TNS1: variants seen among roughly 807,000 people sequenced by gnomAD.
TNS1 encodes the protein tensin 1, also known as tensin-1.
Under a neutral mutation model 168.6 loss-of-function variants are expected in TNS1, and 62 were observed. That is an observed-to-expected ratio of 0.37 (90% CI 0.30 to 0.45). The LOEUF is 0.45. Among genes scored for constraint, TNS1 ranks in the 20% least tolerant of loss-of-function variants. The pLI is 1.00. For missense variants in TNS1, 2,240 were observed against 2,339.4 expected (o/e 0.96, Z 0.88); for synonymous variants, 934 against 933.2 (o/e 1.00, Z -0.02).
At chr2:218,013,479 A>G (rs546546249), upstream of TNS1, among the ~76,000 whole-genome samples, 2 of 152,264 alleles carry the variant, frequency 1.3e-5, no homozygotes, top group African/African-American at 4.8e-5. Flanking sequence ...GCCAGATCAC[A>G]TGAAGAGATC....
chr2:217,849,932 G>C (rs919396652), intron 18 of TNS1: 1 of 985,282 alleles, frequency 1.0e-6, no homozygotes, highest in African/African-American at 1.7e-5. Flanking sequence ...CCCTCAGCTA[G>C]ATTTGTCTCC....
chr2:217,964,959 C>T (rs939031526), intron 3 of TNS1, among the ~76,000 whole-genome samples: 2 of 152,198 alleles, frequency 1.3e-5, no homozygotes, highest in Non-Finnish European at 2.9e-5. Flanking sequence ...AGCCAGGAGC[C>T]AGAACCCCCA....
chr2:217,836,289 AAGGC>A, intron 19 of TNS1, 78 bp from the exon 20 acceptor site: 2 of 1,395,262 alleles, frequency 1.4e-6, no homozygotes, highest in Non-Finnish European at 9.7e-7. Flanking sequence ...CCCATCAGAG[AAGGC>A]AGTGCCTCCT....
chr2:217,899,564 A>C (rs1952706817), intron 7 of TNS1, among the ~76,000 whole-genome samples: 1 of 152,146 alleles, frequency 6.6e-6, no homozygotes, highest in Non-Finnish European at 1.5e-5. Context: ...AAAAACTCGC[A>C]AGACAAGCTC....
chr2:218,002,739 C>A lies in TNS1; in HGVS notation c.33+101G>T, dbSNP rs1428215169. 4 of 454,622 alleles carry A rather than the reference C, an allele frequency of 8.8e-6. No homozygotes were observed. The Admixed American group carries it at 9.4e-5, about 11-fold the overall frequency. The allele number at this position is 454,622 out of a possible 1,614,324, so 28.2% of individuals were successfully genotyped here. ...GGCCCCTCCTTCAAGACTGACACCC[C>A]CCGACCCCGGGCTCTCAGCAAAAGG... is the stretch of plus-strand genomic sequence containing the variant. On this transcript the variant is annotated intron_variant, in intron 1 of 32. Coordinates refer to ENST00000682258, the MANE Select transcript of TNS1 (RefSeq NM_001387777.1).
chr2:217,897,778 G>A lies in TNS1; in HGVS notation c.543+20C>T, dbSNP rs766959557. 5 of 1,574,282 alleles carry A rather than the reference G, an allele frequency of 3.2e-6. No homozygotes were observed. The highest frequency in any genetic ancestry group is 1.7e-4 in the Middle Eastern group (1 of 5,890). ...AAGCATAGAGGGCACAGGACAGTGG[G>A]CACGAGGATCCATCCTCACCAGGTA... On this transcript the variant is annotated intron_variant, in intron 8 of 32. Transcript: ENST00000682258.
intron 1 of TNS1, among the ~76,000 whole-genome samples, chr2:218,031,223 AGT>A (rs1183968299): frequency 8.0e-6 from 1 of 124,278 alleles, no homozygotes; most frequent in Non-Finnish European, 1.7e-5. Context: ...TGTGTGTATG[AGT>A]GTGAGTGTGT....
chr2:217,928,613 C>T (rs1239717593), intron 3 of TNS1, among the ~76,000 whole-genome samples: 1 of 152,176 alleles, frequency 6.6e-6, no homozygotes, highest in Non-Finnish European at 1.5e-5. Flanking sequence ...CCAGCACAGG[C>T]TGGGACCCAG....
intron 3 of TNS1, among the ~76,000 whole-genome samples, chr2:217,963,791 C>T (rs1351188725): frequency 6.7e-6 from 1 of 149,408 alleles, no homozygotes; most frequent in Non-Finnish European, 1.5e-5. Context: ...CACCTCTAAT[C>T]CTAGCACTTT....
chr2:217,945,655 T>C (rs1957086133), intron 3 of TNS1, among the ~76,000 whole-genome samples: 1 of 152,072 alleles, frequency 6.6e-6, no homozygotes, highest in Non-Finnish European at 1.5e-5. Flanking sequence ...TGTCCACAAA[T>C]GGCAAGGATG....
intron 23 of TNS1, 56 bp downstream of exon 23, chr2:217,821,684 G>A (rs1056548972): frequency 5.4e-5 from 76 of 1,396,950 alleles, no homozygotes; most frequent in East Asian, 1.4e-4. Flanking sequence ...CACCCATCCC[G>A]TCCCAGTCCC....
chr2:217,891,178 C>G, intron 11 of TNS1, 133 bp from the exon 12 acceptor site: 1 of 763,106 alleles, frequency 1.3e-6, no homozygotes, highest in Non-Finnish European at 2.2e-6. Flanking sequence ...GGAAGACAAG[C>G]CTCTTCCCCC....
chr2:217,935,992 G>A (rs1466415267), intron 3 of TNS1, among the ~76,000 whole-genome samples: 5 of 152,170 alleles, frequency 3.3e-5, no homozygotes, highest in African/African-American at 9.7e-5. Context: ...AAACGCTGCT[G>A]AAATTCCCTC....
intron 1 of TNS1, among the ~76,000 whole-genome samples, chr2:218,031,283 ATGAG>A (rs1219345890): frequency 1.4e-5 from 1 of 73,604 alleles, no homozygotes; most frequent in Non-Finnish European, 2.4e-5. Context: ...GTGAGCGTGT[ATGAG>A]TGTGTGAGTG....
In TNS1 at chr2:217,990,939, C is replaced by A; in HGVS notation, c.148+3G>T. ...ATCCCCCACAGCCCAGACCGCTGCTCACCTTTGCAGGTGCAGCCTTCCTGG... is the reference window on the plus strand; with the variant it reads ...ATCCCCCACAGCCCAGACCGCTGCTAACCTTTGCAGGTGCAGCCTTCCTGG... On this transcript the variant is annotated splice_donor_region_variant and intron_variant, in intron 2 of 32. Transcript: ENST00000682258. 1 of 655,320 alleles carries A rather than the reference C, an allele frequency of 1.5e-6. No homozygotes were observed. The highest frequency in any genetic ancestry group is 2.8e-6 in the Non-Finnish European group (1 of 353,828). The allele number at this position is 655,320 out of a possible 1,614,324, so 40.6% of individuals were successfully genotyped here. A position where few individuals can be genotyped will look rare whatever the true frequency, so the allele number is the denominator to read the frequency against.
At chr2:217,855,123 C>T (rs1474897752) in intron 18 of TNS1, among the ~76,000 whole-genome samples, 1 of 152,160 alleles carries the variant, frequency 6.6e-6, no homozygotes, top group Non-Finnish European at 1.5e-5. Context: ...CTCTCATCAC[C>T]CACAGGGTAA....
intron 1 of TNS1, among the ~76,000 whole-genome samples, chr2:218,030,155 C>CCT (rs2106016368): frequency 6.6e-6 from 1 of 152,264 alleles, no homozygotes; most frequent in South Asian, 2.1e-4. Context: ...CATATACACA[C>CCT]AGCATGTGTG....
intron 2 of TNS1, among the ~76,000 whole-genome samples, chr2:217,983,397 T>A (rs1958106720): frequency 6.6e-6 from 1 of 152,150 alleles, no homozygotes. Flanking sequence ...CCAGGAGCCC[T>A]ATCTCTGCCC....
chr2:217,896,821 T>C (rs1574993841), intron 8 of TNS1, among the ~76,000 whole-genome samples: 1 of 152,262 alleles, frequency 6.6e-6, no homozygotes, highest in Admixed American at 6.5e-5. Flanking sequence ...ACTATTTGCA[T>C]ATAACTTATG....
Sources: allele counts gnomAD v4.1 joint callset (sites outside exome capture counted in the v4.1 genomes callset), GRCh38; gene constraint gnomAD v4.1.1; transcripts MANE v1.5; gene names NCBI Gene and HGNC (gene_info 2026-07-23, HGNC 2026-07-21).